Variants in EZH1 observed in about 807,000 individuals in gnomAD.
The protein encoded by EZH1 is enhancer of zeste 1 polycomb repressive complex 2 subunit, also known as histone-lysine N-methyltransferase EZH1.
Under a neutral mutation model 100.5 loss-of-function variants are expected in EZH1, and 33 were observed. The observed-to-expected ratio is 0.33, with a 90% CI of 0.25 to 0.44. The LOEUF is 0.44. EZH1 is among the 20% of genes least tolerant of loss of function. The pLI is 1.00. For synonymous variants in EZH1, 272 were observed against 313.8 expected (o/e 0.87, Z 1.41); for missense variants, 475 against 928.4 (o/e 0.51, Z 6.35).
chr17:42,702,423 G>T lies in EZH1; in HGVS notation c.*109C>A. 1 of 916,274 alleles carries T rather than the reference G, an allele frequency of 1.1e-6. No individual in the cohort carries two copies. The highest frequency in any genetic ancestry group is 1.7e-6 in the Non-Finnish European group (1 of 597,862). 56.8% of individuals were successfully genotyped at this position (916,274 alleles called of 1,614,324 possible). On this transcript the variant is annotated 3_prime_UTR_variant, in exon 21 of 21. Transcript: ENST00000428826. ...TCACTACAGAGGGAGTGGGTTGGGG[G>T]GTTTCTCAGTGTGGGAGACACAGTG... is the stretch of plus-strand genomic sequence containing the variant.
At chr17:42,744,700 G>A (rs935882904) in intron 1 of EZH1, among the ~76,000 whole-genome samples, 4 of 151,644 alleles carry the variant, frequency 2.6e-5, no homozygotes, top group Admixed American at 2.0e-4. Context: ...TGGGGCTCCC[G>A]CCCACCGGCC....
At chr17:42,702,666 G>T in intron 20 of EZH1, 74 bp from the exon 21 acceptor site, 1 of 1,446,384 alleles carries the variant, frequency 6.9e-7, no homozygotes, top group Non-Finnish European at 9.5e-7. Context: ...GTCCCCTCCC[G>T]TTTCACTTCC....
intron 1 of EZH1, among the ~76,000 whole-genome samples, chr17:42,731,150 C>T (rs1463829475): frequency 6.6e-6 from 1 of 151,676 alleles, no homozygotes; most frequent in Non-Finnish European, 1.5e-5. Flanking sequence ...CAGAGTCTCA[C>T]TCTGTTGCCC....
intron 10 of EZH1, among the ~76,000 whole-genome samples, chr17:42,714,953 AAT>A (rs1215396550): frequency 7.2e-6 from 1 of 139,426 alleles, no homozygotes; most frequent in Non-Finnish European, 1.5e-5. Flanking sequence ...ATATTTATAT[AAT>A]ATATAAATAT....
At chr17:42,722,625 C>CAA (rs11298431) in intron 6 of EZH1, among the ~76,000 whole-genome samples, 170 bp downstream of exon 6, 30 of 104,066 alleles carry the variant, frequency 2.9e-4, no homozygotes, top group Admixed American at 4.5e-4. Context: ...AACTCCGTCT[C>CAA]AAAAAAAAAA....
intron 10 of EZH1, among the ~76,000 whole-genome samples, chr17:42,715,467 G>A (rs975348808): frequency 5.3e-5 from 8 of 151,450 alleles, no homozygotes; most frequent in African/African-American, 1.9e-4. Flanking sequence ...GGCTGGTCTC[G>A]AACTCCTAGG....
At chr17:42,720,000 G>T (rs995144942) in intron 7 of EZH1, among the ~76,000 whole-genome samples, 2 of 152,132 alleles carry the variant, frequency 1.3e-5, no homozygotes, top group African/African-American at 4.8e-5. Flanking sequence ...TATAAAATTT[G>T]ATATATACAT....
chr17:42,722,941 T>A, intron 5 of EZH1, 26 bp from the exon 6 acceptor site: 1 of 1,607,484 alleles, frequency 6.2e-7, no homozygotes, highest in Non-Finnish European at 8.5e-7. Flanking sequence ...ATGTGATTTA[T>A]TCCATGAAGC....
At position 42,712,889 on chromosome 17, in the gene EZH1, T is replaced by G. The variant is rs145989470; in HGVS notation, c.1204+320A>C. On this transcript the variant is annotated intron_variant, in intron 11 of 20. Coordinates refer to ENST00000428826, the MANE Select transcript of EZH1 (RefSeq NM_001991.5). ...CCCGTCTCTACTAAAAATATAAAAA[T>G]TAGCCGGGCGTGGTGGCAGGCACCT... 9.3e-3 allele frequency among the ~76,000 whole-genome samples: 1,413 copies of G among 152,054 alleles called. 22 individuals carry two copies. The highest frequency in any genetic ancestry group is 0.032 in the African/African-American group (1,328 of 41,504).
At chr17:42,723,077 CA>C (rs1166399152) in intron 5 of EZH1, among the ~76,000 whole-genome samples, 162 bp from the exon 6 acceptor site, 1 of 151,956 alleles carries the variant, frequency 6.6e-6, no homozygotes, top group Non-Finnish European at 1.5e-5. Flanking sequence ...TTTGTTTGGC[CA>C]AAAAAACCTC....
At position 42,724,409 on chromosome 17, in the gene EZH1, T is replaced by A. The variant is rs780531216; in HGVS notation, c.262A>T (p.Ile88Phe). ...TGTTGGCTTGCAAATCCCGGGAAAA[T>A]GCTCTCTATGGTACACTGAAATATA... The part of the protein sequence containing the change: ...PFLKKCTIES[I>F]FPGFASQHML... Residue 88 changes from isoleucine to phenylalanine, a missense_variant, in exon 5 of 21, where the codon ATT becomes TTT. Around this residue, in one of 8 missense-constraint regions of EZH1, gnomAD observed 105 missense variants for 129.8 expected, o/e 0.81. Transcript: ENST00000428826. 1 of 1,613,854 alleles carries A rather than the reference T, an allele frequency of 6.2e-7. No homozygotes were observed. The highest frequency in any genetic ancestry group is 8.5e-7 in the Non-Finnish European group (1 of 1,179,878).
chr17:42,724,618 CA>C, intron 4 of EZH1, 194 bp from the exon 5 acceptor site: 1 of 483,824 alleles, frequency 2.1e-6, no homozygotes, highest in East Asian at 4.1e-5. Flanking sequence ...CCCATCTCTA[CA>C]AAAACATAAT....
In EZH1 at chr17:42,727,710, A is replaced by G. The variant is rs764560902; in HGVS notation, c.171T>C (p.Asn57=). 1.9e-5 allele frequency: 30 copies of G among 1,608,290 alleles called. No individual in the cohort carries two copies. Among genetic ancestry groups the G allele is most frequent in the Non-Finnish European group, 2.5e-5 (30 of 1,178,268 alleles). The change falls in exon 4 of 21, where the codon AAT becomes AAC. Residue 57 remains asparagine (N), a synonymous_variant. Coordinates refer to ENST00000428826, the MANE Select transcript of EZH1 (RefSeq NM_001991.5). ...GGACACGAAGCTTCTTCCATTCTTC[A>G]TTGAGGATCTGGGTTTTTTCTTGAA... ...AKVQEKTQIL[N]EEWKKLRVQP... is the part of the protein sequence containing the mutation.
intron 1 of EZH1, among the ~76,000 whole-genome samples, chr17:42,738,154 C>A (rs947373496): frequency 7.4e-6 from 1 of 135,290 alleles, no homozygotes; most frequent in Non-Finnish European, 1.5e-5. Context: ...CCAGCCTGGG[C>A]GACAGAGCAA....
At position 42,718,411 on chromosome 17, in the gene EZH1, A is replaced by G. The variant is rs1387622916; in HGVS notation, c.931+43T>C. The G allele has an allele frequency of 6.2e-7, 1 of 1,604,962 alleles. No homozygotes were observed. The highest frequency in any genetic ancestry group is 8.5e-7 in the Non-Finnish European group (1 of 1,174,532). ...AAAGAGAAGGAAATGGTGGCTGGGG[A>G]TGGAAGAGAGGAGAGCATTTCAAAC... On this transcript the variant is annotated intron_variant, in intron 9 of 20. Transcript: ENST00000428826. The surrounding 1 kb of genome is among the most constrained non-coding windows in gnomAD (Gnocchi z 4.2).
intron 4 of EZH1, chr17:42,724,733 C>A: frequency 4.5e-6 from 1 of 220,228 alleles, no homozygotes; most frequent in Non-Finnish European, 9.3e-6. Flanking sequence ...TTGAGTGAGC[C>A]ACTGCACTCC....
chr17:42,743,130 A>G (rs1313692135), intron 1 of EZH1, among the ~76,000 whole-genome samples: 1 of 151,204 alleles, frequency 6.6e-6, no homozygotes, highest in African/African-American at 2.4e-5. Context: ...TGGCCTCCCA[A>G]AGTGCTGGGA....
intron 16 of EZH1, 28 bp from the exon 17 acceptor site, chr17:42,705,211 C>T: frequency 1.3e-6 from 2 of 1,519,224 alleles, no homozygotes; most frequent in Non-Finnish European, 1.8e-6. Context: ...AAGTCTCAGA[C>T]TACAGGGTGT....
Position 42,718,187 on chromosome 17 carries a change from G to T in EZH1, c.932-120C>A, listed in dbSNP as rs1273790624. 3.1e-6 allele frequency: 3 copies of T among 955,170 alleles called. No individual in the cohort carries two copies. Among genetic ancestry groups the T allele is most frequent in the Non-Finnish European group, 4.7e-6 (3 of 632,374 alleles). 59.2% of individuals were successfully genotyped at this position (955,170 alleles called of 1,614,324 possible). On this transcript the variant is annotated intron_variant, in intron 9 of 20. Coordinates refer to ENST00000428826, the MANE Select transcript of EZH1 (RefSeq NM_001991.5). This position sits in a 1 kb window ranked among gnomAD's most constrained non-coding sequence, Gnocchi z 4.2. ...AATTCGATATAAACGGCTACCATCAGGGTGCACAAAATTCAGTCATTTCTG... is the reference window on the plus strand; with the variant it reads ...AATTCGATATAAACGGCTACCATCATGGTGCACAAAATTCAGTCATTTCTG...
Sources: gnomAD v4.1 joint callset for allele counts (sites outside exome capture counted in the v4.1 genomes callset) on GRCh38, gnomAD v4.1.1 for gene constraint, gnomAD v4.1.1 regional missense constraint, Gnocchi (gnomAD v3.1) non-coding constraint, MANE v1.5 for transcripts, NCBI Gene and HGNC (gene_info 2026-07-23, HGNC 2026-07-21) for gene names.